The following BLOC1S1 variants were observed in gnomAD, a reference collection of about 807,000 sequenced individuals.
The protein encoded by BLOC1S1 is biogenesis of lysosome-related organelles complex 1 subunit 1.
BLOC1S1 carries 11 observed loss-of-function variants against 19.0 expected under a neutral mutation model. That is an observed-to-expected ratio of 0.58 (90% confidence interval 0.37 to 0.96). The LOEUF is 0.96. Ranked by LOEUF, BLOC1S1 falls within the 40% of genes least tolerant of loss-of-function variation. The pLI, the probability that BLOC1S1 is intolerant of heterozygous loss-of-function variation, is 0.01. For synonymous variants in BLOC1S1, 94 were observed against 76.4 expected, an observed-to-expected ratio of 1.23 and a Z score of -1.20; for missense variants, 220 against 195.9, an observed-to-expected ratio of 1.12 and a Z score of -0.73.
At position 55,716,991 on chromosome 12, in the gene BLOC1S1, T is replaced by C; in HGVS notation, c.204T>C (p.Asp68=). Residue 68 remains aspartate (D), a synonymous_variant, in exon 2 of 4, where the codon GAT becomes GAC. Coordinates refer to ENST00000548925, the MANE Select transcript of BLOC1S1 (RefSeq NM_001487.4). ...CCTGCCTGACAGAAGCTTTGGTGGA[T>C]CACCTCAATGTGGGGTATGGACCTC... ...AATCLTEALV[D]HLNVGVAQAY... 3 of 1,598,252 alleles carry C rather than the reference T, an allele frequency of 1.9e-6. No homozygotes were observed.
At chr12:55,718,243 C>T (rs976699083) in intron 2 of BLOC1S1, among the ~76,000 whole-genome samples, 1 of 152,226 alleles carries the variant, frequency 6.6e-6, no homozygotes, top group Non-Finnish European at 1.5e-5. Flanking sequence ...ACCCCTTCCC[C>T]GCTCCAGCCC....
At chr12:55,716,345 T>G (rs1876524626) in intron 1 of BLOC1S1, 149 bp downstream of exon 1, 1 of 1,472,902 alleles carries the variant, frequency 6.8e-7, no homozygotes, top group African/African-American at 1.4e-5. Context: ...AGAGAGGCTT[T>G]TTTTGAAACT....
rs779036742 is a variant in BLOC1S1, at chr12:55,719,296, G to A, written c.351+73G>A. ...GCTGCCTCCAGTCAGGTTACCTCAG[G>A]TTTAGGTTAAGGAGGAAGTAGGGTG... On this transcript the variant is annotated intron_variant, in intron 3 of 3. Coordinates refer to ENST00000548925, the MANE Select transcript of BLOC1S1 (RefSeq NM_001487.4). 9 of 1,610,920 alleles carry A rather than the reference G, an allele frequency of 5.6e-6. No homozygotes were observed. The East Asian group carries it at 2.0e-4, about 36-fold the overall frequency.
chr12:55,716,881 A>G, intron 1 of BLOC1S1, 52 bp from the exon 2 acceptor site: 2 of 1,524,888 alleles, frequency 1.3e-6, no homozygotes, highest in South Asian at 1.2e-5. Context: ...CTTTAACACT[A>G]CCCCTCAAAA....
rs112146775 is a variant in BLOC1S1, at chr12:55,716,576, C to T, written c.146-357C>T. ...GATGGGCTTCTTGGAGGCCTGAAAC[C>T]ACCGGAACGGAGGTGGGGCACTTGT... On this transcript the variant is annotated intron_variant, in intron 1 of 3. Coordinates refer to ENST00000548925, the MANE Select transcript of BLOC1S1 (RefSeq NM_001487.4). 669 of 1,209,518 alleles carry T rather than the reference C, an allele frequency of 5.5e-4. 6 individuals are homozygous for T. The African/African-American group carries it at 9.6e-3, about 17-fold the overall frequency. The allele number at this position is 1,209,518 out of a possible 1,614,324, so 74.9% of individuals were successfully genotyped here.
At position 55,719,331 on chromosome 12, in the gene BLOC1S1, A is replaced by T. The variant is rs558881406; in HGVS notation, c.351+108A>T. On this transcript the variant is annotated intron_variant, in intron 3 of 3. Coordinates refer to ENST00000548925, the MANE Select transcript of BLOC1S1 (RefSeq NM_001487.4). ...AGGAGGAAGTAGGGTGGTCCCAGAA[A>T]CCCCATCTATAGCCCCAGTGTCAGA... 365 of 1,566,540 alleles carry T rather than the reference A, an allele frequency of 2.3e-4. 1 individual carries two copies. The East Asian group carries it at 6.7e-3, about 29-fold the overall frequency.
At chr12:55,716,818 A>T in intron 1 of BLOC1S1, 115 bp from the exon 2 acceptor site, 4 of 1,284,210 alleles carry the variant, frequency 3.1e-6, no homozygotes, top group Non-Finnish European at 4.2e-6. Flanking sequence ...GCATTCAGAG[A>T]TTAGTTAAGA....
At position 55,716,421 on chromosome 12, in the gene BLOC1S1, A is replaced by T. The variant is rs919998735; in HGVS notation, c.145+225A>T. On this transcript the variant is annotated intron_variant, in intron 1 of 3. Coordinates refer to ENST00000548925, the MANE Select transcript of BLOC1S1 (RefSeq NM_001487.4). Reference sequence around the variant, plus strand: ...TCCGGTCCCCTCGGCAACGCCCCCAATCCCCGACCTGCCGCACCTTAGCCC... The same window carrying T: ...TCCGGTCCCCTCGGCAACGCCCCCATTCCCCGACCTGCCGCACCTTAGCCC... 7.3e-6 allele frequency: 10 copies of T among 1,361,104 alleles called. No individual in the cohort carries two copies. The Admixed American group carries it at 3.1e-4, about 42-fold the overall frequency. 84.3% of individuals were successfully genotyped at this position (1,361,104 alleles called of 1,614,324 possible). A position where few individuals can be genotyped will look rare whatever the true frequency, so the allele number is the denominator to read the frequency against.
chr12:55,716,686 G>A lies in BLOC1S1; in HGVS notation c.146-247G>A, dbSNP rs554327374. On this transcript the variant is annotated intron_variant, in intron 1 of 3. Coordinates refer to ENST00000548925, the MANE Select transcript of BLOC1S1 (RefSeq NM_001487.4). The stretch of plus-strand genomic sequence containing the variant: ...AGAGTGCCTGGGAGTCAGGAGTCCT[G>A]GGCGCTGCCGCTGACTTCCTGGCGT... The A allele has an allele frequency of 8.4e-6, 11 of 1,307,314 alleles. No individual in the cohort carries two copies. The African/African-American group carries it at 1.4e-4, about 17-fold the overall frequency. 81.0% of individuals were successfully genotyped at this position (1,307,314 alleles called of 1,614,324 possible).
At chr12:55,718,139 C>T (rs1050298555) in intron 2 of BLOC1S1, among the ~76,000 whole-genome samples, 1 of 152,218 alleles carries the variant, frequency 6.6e-6, no homozygotes, top group African/African-American at 2.4e-5. Context: ...TGTGTTGCTG[C>T]CCACGCCTCC....
intron 1 of BLOC1S1, chr12:55,716,701 C>T (rs1416453295): frequency 1.5e-6 from 2 of 1,308,822 alleles, no homozygotes; most frequent in African/African-American, 3.1e-5. Context: ...CTGCCGCTGA[C>T]TTCCTGGCGT....
At chr12:55,718,252 C>T (rs1168722887) in intron 2 of BLOC1S1, among the ~76,000 whole-genome samples, 7 of 152,234 alleles carry the variant, frequency 4.6e-5, no homozygotes, top group Non-Finnish European at 8.8e-5. Context: ...CCGCTCCAGC[C>T]CCCACACATT....
chr12:55,718,255 C>G lies in BLOC1S1; in HGVS notation c.219-836C>G, dbSNP rs778870752. Among the ~76,000 whole-genome samples the G allele has an allele frequency of 6.6e-5, 10 of 152,242 alleles. No individual in the cohort carries two copies. In the South Asian group the frequency reaches 8.3e-4, roughly 13 times the overall value. ...CCAACCCCTTCCCCGCTCCAGCCCC[C>G]ACACATTCCAGTGGGTGGGGGCACC... On this transcript the variant is annotated intron_variant, in intron 2 of 3. Transcript: ENST00000548925.
intron 2 of BLOC1S1, among the ~76,000 whole-genome samples, chr12:55,718,228 C>A (rs1054469093): frequency 6.6e-6 from 1 of 152,242 alleles, no homozygotes; most frequent in Non-Finnish European, 1.5e-5. Context: ...CCTCAGCCCC[C>A]ACCAACCCCT....
Position 55,716,144 on chromosome 12 carries a change from C to G in BLOC1S1, c.93C>G (p.Ser31=). The part of the protein sequence containing the change: ...PSPQPDVTML[S]RLLKEHQAKQ... Reference sequence around the variant, plus strand: ...CCCAGCCCGACGTGACCATGCTGTCCCGCCTCCTAAAAGAACACCAGGCCA... The same window carrying G: ...CCCAGCCCGACGTGACCATGCTGTCGCGCCTCCTAAAAGAACACCAGGCCA... Residue 31 remains serine (S), a synonymous_variant, in exon 1 of 4, where the codon TCC becomes TCG. Transcript: ENST00000548925. The G allele has an allele frequency of 6.2e-7, 1 of 1,612,210 alleles. No homozygotes were observed. The highest frequency in any genetic ancestry group is 8.5e-7 in the Non-Finnish European group (1 of 1,179,158).
At chr12:55,718,125 G>T (rs922467732) in intron 2 of BLOC1S1, among the ~76,000 whole-genome samples, 2 of 152,192 alleles carry the variant, frequency 1.3e-5, no homozygotes, top group Non-Finnish European at 2.9e-5. Context: ...ATTAGAAAGG[G>T]TTTTGTGTTG....
intron 1 of BLOC1S1, 146 bp from the exon 2 acceptor site, chr12:55,716,787 G>C: frequency 7.8e-7 from 1 of 1,280,588 alleles, no homozygotes; most frequent in Non-Finnish European, 1.0e-6. Context: ...GCTATGTTTT[G>C]CAAGGTCCTT....
chr12:55,716,854 A>T, intron 1 of BLOC1S1, 79 bp from the exon 2 acceptor site: 1 of 1,415,582 alleles, frequency 7.1e-7, no homozygotes, highest in South Asian at 1.3e-5. Flanking sequence ...CAGAATAGTA[A>T]TGGATGGGTA....
chr12:55,717,667 C>T (rs1876676324), intron 2 of BLOC1S1, among the ~76,000 whole-genome samples: 1 of 152,172 alleles, frequency 6.6e-6, no homozygotes, highest in Non-Finnish European at 1.5e-5. Flanking sequence ...GTACCTTCCA[C>T]CCCAGGTCAA....
Sources: allele counts gnomAD v4.1 joint callset (sites outside exome capture counted in the v4.1 genomes callset), GRCh38; gene constraint gnomAD v4.1.1; transcripts MANE v1.5; gene names NCBI Gene and HGNC (gene_info 2026-07-23, HGNC 2026-07-21).